HDAC9: variants seen among roughly 807,000 people sequenced by gnomAD.
The protein encoded by HDAC9 is histone deacetylase 9.
A neutral mutation model predicts 139.4 loss-of-function variants in HDAC9; 41 were observed. That is an observed-to-expected ratio of 0.29 (90% CI 0.23 to 0.38). HDAC9 has a LOEUF of 0.38. HDAC9 is among the 10% of genes least tolerant of loss of function. The pLI, the probability that HDAC9 is intolerant of heterozygous loss-of-function variation, is 1.00. For synonymous variants in HDAC9, 517 were observed against 476.2 expected (o/e 1.09, Z -1.12); for missense variants, 1,147 against 1,297.0 (o/e 0.88, Z 1.78).
intron 6 of HDAC9, among the ~76,000 whole-genome samples, chr7:18,605,348 G>T (rs950839051): frequency 1.4e-4 from 21 of 152,096 alleles, no homozygotes; most frequent in African/African-American, 4.8e-4. Flanking sequence ...CTACTTCTTA[G>T]CCTGTTTCCT....
intron 1 of HDAC9, among the ~76,000 whole-genome samples, chr7:18,431,435 CATTT>C (rs1790651583): frequency 6.6e-6 from 1 of 152,110 alleles, no homozygotes; most frequent in Admixed American, 6.5e-5. Context: ...GTAACTTTTC[CATTT>C]ATTTTTTCTT....
intron 6 of HDAC9, among the ~76,000 whole-genome samples, chr7:18,600,100 A>G (rs1346384181): frequency 6.6e-6 from 1 of 151,886 alleles, no homozygotes; most frequent in African/African-American, 2.4e-5. Context: ...CTATCTCTGT[A>G]TCATCTTTGG....
intron 22 of HDAC9, among the ~76,000 whole-genome samples, chr7:18,882,446 T>C (rs1366506189): frequency 6.6e-6 from 1 of 152,064 alleles, no homozygotes; most frequent in Admixed American, 6.6e-5. Context: ...TTGAATCTAA[T>C]TGGTGAGAAA....
intron 17 of HDAC9, among the ~76,000 whole-genome samples, chr7:18,799,083 A>G (rs1366001875): frequency 7.5e-6 from 1 of 133,258 alleles, no homozygotes. Flanking sequence ...ACACACACAC[A>G]CACACACACA....
At chr7:18,379,191 A>G (rs912193384) in intron 1 of HDAC9, among the ~76,000 whole-genome samples, 5 of 152,236 alleles carry the variant, frequency 3.3e-5, no homozygotes, top group African/African-American at 1.2e-4. Context: ...GAATGAATAC[A>G]AACTACATTA....
chr7:18,280,596 AAAAC>A (rs1308803525), intron 2 of HDAC9, among the ~76,000 whole-genome samples: 1 of 151,272 alleles, frequency 6.6e-6, no homozygotes, highest in Non-Finnish European at 1.5e-5. Flanking sequence ...TCAAAAAAAA[AAAAC>A]AAAAAACAAA....
intron 1 of HDAC9, among the ~76,000 whole-genome samples, chr7:18,448,850 T>G (rs933037576): frequency 6.6e-6 from 1 of 152,068 alleles, no homozygotes; most frequent in African/African-American, 2.4e-5. Flanking sequence ...TGTTGATAGT[T>G]CAAGAAGACC....
chr7:18,716,750 A>T (rs919014361), intron 12 of HDAC9, among the ~76,000 whole-genome samples: 55 of 152,144 alleles, frequency 3.6e-4, no homozygotes, highest in African/African-American at 1.3e-3. Context: ...TAAGTCCCTA[A>T]ACCTCAATCC....
chr7:18,957,089 C>T (rs1482959465), intron 24 of HDAC9, among the ~76,000 whole-genome samples: 3 of 151,968 alleles, frequency 2.0e-5, no homozygotes, highest in Non-Finnish European at 4.4e-5. Flanking sequence ...ACTTAAATGT[C>T]AGTTGAGAGG....
chr7:18,191,806 C>A (rs1790367208), intron 2 of HDAC9, among the ~76,000 whole-genome samples: 1 of 152,018 alleles, frequency 6.6e-6, no homozygotes, highest in South Asian at 2.1e-4. Context: ...TTAAAATATC[C>A]AAATCCATTA....
At chr7:18,772,585 C>T (rs1790406464) in intron 16 of HDAC9, among the ~76,000 whole-genome samples, 1 of 151,976 alleles carries the variant, frequency 6.6e-6, no homozygotes, top group Non-Finnish European at 1.5e-5. Flanking sequence ...ACTTCATTTC[C>T]TCCACTGTTG....
chr7:18,364,569 A>G (rs547854198), intron 1 of HDAC9, among the ~76,000 whole-genome samples: 33 of 152,038 alleles, frequency 2.2e-4, no homozygotes, highest in African/African-American at 7.7e-4. Flanking sequence ...TGGCTCCTGG[A>G]CCAGCAGCAT....
intron 1 of HDAC9, among the ~76,000 whole-genome samples, chr7:18,432,603 C>T (rs1353873303): frequency 2.6e-5 from 4 of 152,196 alleles, no homozygotes; most frequent in African/African-American, 7.2e-5. Flanking sequence ...GTGCTACTGT[C>T]TACCTACTGA....
intron 25 of HDAC9, among the ~76,000 whole-genome samples, chr7:18,979,608 A>G (rs1230767099): frequency 2.0e-5 from 3 of 152,180 alleles, no homozygotes; most frequent in African/African-American, 7.2e-5. Flanking sequence ...TTATAAAGAA[A>G]AGAGATTTAA....
intron 1 of HDAC9, among the ~76,000 whole-genome samples, chr7:18,375,360 T>G (rs1444498437): frequency 6.6e-6 from 1 of 152,018 alleles, no homozygotes; most frequent in South Asian, 2.1e-4. Flanking sequence ...ATCCCAGTAC[T>G]CAGGAGGCTG....
intron 6 of HDAC9, among the ~76,000 whole-genome samples, chr7:18,621,251 A>G (rs1046076110): frequency 1.8e-4 from 27 of 151,750 alleles, no homozygotes; most frequent in African/African-American, 6.3e-4. Flanking sequence ...AATCATAAAT[A>G]TAATGATTCT....
At chr7:18,511,408 C>G (rs1801458365) in intron 2 of HDAC9, among the ~76,000 whole-genome samples, 1 of 152,140 alleles carries the variant, frequency 6.6e-6, no homozygotes, top group South Asian at 2.1e-4. Flanking sequence ...TTAGAAACCT[C>G]TATCTCAGTT....
intron 2 of HDAC9, among the ~76,000 whole-genome samples, chr7:18,273,083 TGA>T (rs1796491085): frequency 1.3e-5 from 1 of 77,874 alleles, no homozygotes; most frequent in Non-Finnish European, 2.7e-5. Flanking sequence ...TTTTTTTTTT[TGA>T]ACAAGACAGG....
chr7:18,346,460 A>G (rs928558110), intron 1 of HDAC9, among the ~76,000 whole-genome samples: 20 of 152,122 alleles, frequency 1.3e-4, no homozygotes, highest in African/African-American at 3.4e-4. Context: ...CACAACCGCT[A>G]TTAACACAAC....
Sources: allele counts gnomAD v4.1 joint callset (sites outside exome capture counted in the v4.1 genomes callset), GRCh38; gene constraint gnomAD v4.1.1; transcripts MANE v1.5; gene names NCBI Gene and HGNC (gene_info 2026-07-23, HGNC 2026-07-21).